The following FREM2 variants were observed in gnomAD, a reference collection of about 807,000 sequenced individuals.
FREM2 encodes FRAS1-related extracellular matrix protein 2.
FREM2 carries 119 observed loss-of-function variants against 219.9 expected under a neutral mutation model. The observed-to-expected ratio is 0.54, with a 90% CI of 0.47 to 0.63. The LOEUF (loss-of-function observed/expected upper bound fraction) is 0.63, where lower values mean the gene tolerates loss of function less well. Among genes scored for constraint, FREM2 ranks in the 30% least tolerant of loss-of-function variants. The pLI is 0.00. For missense variants in FREM2, 4,030 were observed against 3,993.6 expected (o/e 1.01, Z -0.25); for synonymous variants, 1,562 against 1,522.8 (o/e 1.03, Z -0.60).
At chr13:38,794,034 G>T (rs1874671589) in intron 6 of FREM2, among the ~76,000 whole-genome samples, 4 of 152,190 alleles carry the variant, frequency 2.6e-5, no homozygotes, top group Admixed American at 2.6e-4. Flanking sequence ...GGCAACTGAA[G>T]ATATAGGCCT....
At chr13:38,749,824 C>A (rs1243058568) in intron 2 of FREM2, among the ~76,000 whole-genome samples, 4 of 152,160 alleles carry the variant, frequency 2.6e-5, no homozygotes, top group Non-Finnish European at 4.4e-5. Context: ...ATTCACTTTC[C>A]AAGTCTGCTC....
In FREM2 at chr13:38,689,582, C is replaced by A. The variant is rs541748462; in HGVS notation, c.2238C>A (p.Pro746=). ...TACGTTACACAGTGACTCAGCCCCC[C>A]ACAGACACAGACGAAAATCACCTGC... ...RELRYTVTQP[P]TDTDENHLPA... is the part of the protein sequence containing the mutation. The change falls in exon 1 of 24, where the codon CCC becomes CCA. Residue 746 remains proline, a synonymous_variant. Coordinates refer to ENST00000280481, the MANE Select transcript of FREM2 (RefSeq NM_207361.6). The A allele has an allele frequency of 1.6e-5, 26 of 1,612,710 alleles. No homozygotes were observed. Among genetic ancestry groups the A allele is most frequent in the Non-Finnish European group, 2.0e-5 (23 of 1,179,254 alleles).
chr13:38,859,723 C>A, intron 14 of FREM2, 133 bp downstream of exon 14: 1 of 927,752 alleles, frequency 1.1e-6, no homozygotes, highest in East Asian at 2.6e-5. Flanking sequence ...AAATTAAAAT[C>A]TATTTTTACA....
At chr13:38,823,126 T>G (rs566648826) in intron 6 of FREM2, among the ~76,000 whole-genome samples, 1 of 152,194 alleles carries the variant, frequency 6.6e-6, no homozygotes, top group East Asian at 1.9e-4. Flanking sequence ...CTATGAGTAC[T>G]GGATTCCTTC....
chr13:38,857,016 A>G (rs1177435588), intron 12 of FREM2, among the ~76,000 whole-genome samples: 1 of 151,980 alleles, frequency 6.6e-6, no homozygotes, highest in Non-Finnish European at 1.5e-5. Context: ...TGGTTTTTCT[A>G]CTACAGTGCC....
intron 6 of FREM2, among the ~76,000 whole-genome samples, chr13:38,807,188 GTTATATATATATAT>G (rs1232234679): frequency 0.017 from 1,152 of 66,410 alleles, 129 homozygotes; most frequent in African/African-American, 0.046. Flanking sequence ...TCTTGTCTCT[GTTATATATATATAT>G]ATATATATAT....
At position 38,882,431 on chromosome 13, in the gene FREM2, G is replaced by C. The variant is rs1225817235; in HGVS notation, c.*1644G>C. The stretch of plus-strand genomic sequence containing the variant: ...TGTCTGTAAGTATCAACCATTTCTT[G>C]ATCAAGATAAGGAAGCAACACTGAT... On this transcript the variant is annotated 3_prime_UTR_variant, in exon 24 of 24. Transcript: ENST00000280481. 2 of 152,102 alleles carry C rather than the reference G, an allele frequency of 1.3e-5. No homozygotes were observed. Among genetic ancestry groups the C allele is most frequent in the Non-Finnish European group, 2.9e-5 (2 of 68,002 alleles). The allele number at this position is 152,102 out of a possible 1,614,324, so 9.4% of individuals were successfully genotyped here. A position where few individuals can be genotyped will look rare whatever the true frequency, so the allele number is the denominator to read the frequency against.
At position 38,851,078 on chromosome 13, in the gene FREM2, A is replaced by C. The variant is rs1164532909; in HGVS notation, c.6712A>C (p.Thr2238Pro). 6.2e-7 allele frequency: 1 copy of C among 1,613,766 alleles called. No individual in the cohort carries two copies. Among genetic ancestry groups the C allele is most frequent in the South Asian group, 1.1e-5 (1 of 91,068 alleles). Residue 2238 changes from threonine (T) to proline (P), a missense_variant, in exon 10 of 24, where the codon ACT (threonine) becomes CCT (proline). Physicochemically the swap from Thr to Pro is conservative, Grantham distance 38 (BLOSUM62 -1). This residue lies in a region of FREM2 where 3,102 missense variants were observed against 2,950.7 expected (regional missense o/e 1.05). Coordinates refer to ENST00000280481, the MANE Select transcript of FREM2 (RefSeq NM_207361.6). ...FGAAVGEQNE[T>P]LIRIRDDADK... ...GGCTGCAGTTGGTGAACAAAATGAAACTCTCATAAGGATCCGAGATGATGC... is the reference window on the plus strand; with the variant it reads ...GGCTGCAGTTGGTGAACAAAATGAACCTCTCATAAGGATCCGAGATGATGC...
intron 6 of FREM2, among the ~76,000 whole-genome samples, chr13:38,833,594 A>C (rs1444338325): frequency 6.6e-6 from 1 of 152,178 alleles, no homozygotes. Flanking sequence ...TTTTAGGTTC[A>C]ACATTGAATG....
In FREM2 at chr13:38,688,328, G is replaced by T. The variant is rs1340534092; in HGVS notation, c.984G>T (p.Met328Ile). Residue 328 changes from methionine to isoleucine, a missense_variant, in exon 1 of 24, where the codon ATG becomes ATT. This residue lies in a region of FREM2 where 3,102 missense variants were observed against 2,950.7 expected (regional missense o/e 1.05). Transcript: ENST00000280481. The stretch of plus-strand genomic sequence containing the variant: ...CCAGTTTCGTGGCCATGATGATGAT[G>T]GAGGTGGACCAGTTTGTACTGACGG... ...PKPSFVAMMM[M>I]EVDQFVLTAL... is the part of the protein sequence containing the mutation. 1 of 1,614,228 alleles carries T rather than the reference G, an allele frequency of 6.2e-7. No individual in the cohort carries two copies. Among genetic ancestry groups the T allele is most frequent in the Non-Finnish European group, 8.5e-7 (1 of 1,180,050 alleles).
intron 4 of FREM2, among the ~76,000 whole-genome samples, chr13:38,770,048 A>G (rs1851262326): frequency 6.8e-6 from 1 of 148,118 alleles, no homozygotes; most frequent in Non-Finnish European, 1.5e-5. Flanking sequence ...TAGTATATAT[A>G]AATTGTATTA....
Position 38,687,818 on chromosome 13 carries a change from C to CG in FREM2, c.475dup (p.Ala159GlyfsTer191). 1.3e-6 allele frequency: 2 copies of CG among 1,544,124 alleles called. No homozygotes were observed. The highest frequency in any genetic ancestry group is 1.8e-6 in the Non-Finnish European group (2 of 1,140,496). Reference sequence around the variant, plus strand: ...GCGTCCGGCTGCAGCTGCGCTATGACGCGCCCGGAGGGGCAGTAGTGCTAC... The same window carrying CG: ...GCGTCCGGCTGCAGCTGCGCTATGACGGCGCCCGGAGGGGCAGTAGTGCTAC... On this transcript the variant is annotated frameshift_variant, in exon 1 of 24. Transcript: ENST00000280481. LOFTEE classifies it high-confidence loss of function.
At chr13:38,830,041 G>T (rs1876445342) in intron 6 of FREM2, among the ~76,000 whole-genome samples, 1 of 152,058 alleles carries the variant, frequency 6.6e-6, no homozygotes, top group East Asian at 1.9e-4. Flanking sequence ...TATAGTCTTA[G>T]CCACAAAATA....
chr13:38,699,620 T>C (rs576586828), intron 2 of FREM2, among the ~76,000 whole-genome samples: 12 of 152,240 alleles, frequency 7.9e-5, no homozygotes, highest in African/African-American at 2.6e-4. Context: ...TTTTACCCTC[T>C]TCCTCTTTAC....
chr13:38,826,446 G>C (rs572452452), intron 6 of FREM2, among the ~76,000 whole-genome samples: 8 of 152,090 alleles, frequency 5.3e-5, no homozygotes, highest in Non-Finnish European at 1.0e-4. Flanking sequence ...TGCTAATATA[G>C]AGTAACACAA....
chr13:38,711,297 A>G (rs1291548165), intron 2 of FREM2, among the ~76,000 whole-genome samples: 1 of 152,224 alleles, frequency 6.6e-6, no homozygotes, highest in Non-Finnish European at 1.5e-5. Context: ...GTTAAATGAC[A>G]ATTCATGTCT....
chr13:38,769,872 A>G (rs2137815179), intron 4 of FREM2, 64 bp downstream of exon 4: 6 of 1,152,706 alleles, frequency 5.2e-6, no homozygotes, highest in Non-Finnish European at 6.6e-6. Flanking sequence ...AATACCTTGT[A>G]GGGGTATAGC....
At chr13:38,845,237 A>C (rs1046275577) in intron 6 of FREM2, among the ~76,000 whole-genome samples, 3 of 149,002 alleles carry the variant, frequency 2.0e-5, no homozygotes, top group African/African-American at 7.4e-5. Context: ...GAAAATAAAG[A>C]AATCATACTC....
chr13:38,742,676 G>A lies in FREM2; in HGVS notation c.5264-21628G>A, dbSNP rs188479755. ...ATCGTTTACTGGACTGTAATTTTTT[G>A]TGGGGCTTCCCAGTGAGGTAGAATT... On this transcript the variant is annotated intron_variant, in intron 2 of 23. Transcript: ENST00000280481. 2.0e-5 allele frequency among the ~76,000 whole-genome samples: 3 copies of A among 152,158 alleles called. No individual in the cohort carries two copies. The East Asian group carries it at 5.8e-4, about 29-fold the overall frequency.
Sources: gnomAD v4.1 joint callset for allele counts (sites outside exome capture counted in the v4.1 genomes callset) on GRCh38, gnomAD v4.1.1 for gene constraint, gnomAD v4.1.1 regional missense constraint, MANE v1.5 for transcripts, NCBI Gene and HGNC (gene_info 2026-07-23, HGNC 2026-07-21) for gene names.